UNC13A: variants seen among roughly 807,000 people sequenced by gnomAD.
The protein encoded by UNC13A is protein unc-13 homolog A.
A neutral mutation model predicts 219.7 loss-of-function variants in UNC13A; 61 were observed. That is an observed-to-expected ratio of 0.28 (90% CI 0.23 to 0.34). UNC13A has a LOEUF of 0.34. Ranked by LOEUF, UNC13A falls within the 10% of genes least tolerant of loss-of-function variation. The probability of loss-of-function intolerance (pLI) is 1.00; values close to 1 mark genes in which losing one functional copy is unlikely to be tolerated. For missense variants in UNC13A, 1,476 were observed against 2,270.3 expected (o/e 0.65, Z 7.11); for synonymous variants, 920 against 884.6 (o/e 1.04, Z -0.71).
At chr19:17,682,589 G>C (rs1265570220) in intron 1 of UNC13A, among the ~76,000 whole-genome samples, 1 of 152,180 alleles carries the variant, frequency 6.6e-6, no homozygotes, top group Non-Finnish European at 1.5e-5. Context: ...ACTCTGGAGG[G>C]CATCCCATGA....
At chr19:17,622,425 G>T (rs2076738372) in intron 36 of UNC13A, 1 of 153,216 alleles carries the variant, frequency 6.5e-6, no homozygotes, top group Non-Finnish European at 1.5e-5. Flanking sequence ...TGGCATATGG[G>T]GAGTCATTAA....
At chr19:17,626,165 CCA>C (rs2076781613) in intron 34 of UNC13A, 1 of 153,430 alleles carries the variant, frequency 6.5e-6, no homozygotes, top group Non-Finnish European at 1.4e-5. Flanking sequence ...ATCCATCCAT[CCA>C]TCCATCCATC....
Position 17,609,902 on chromosome 19 carries a change from C to T in UNC13A, c.4811+38G>A, listed in dbSNP as rs773295153. 1.6e-5 allele frequency: 25 copies of T among 1,610,046 alleles called. No individual in the cohort carries two copies. The South Asian group carries it at 2.6e-4, about 17-fold the overall frequency. On this transcript the variant is annotated intron_variant, in intron 43 of 43. Coordinates refer to ENST00000519716, the MANE Select transcript of UNC13A (RefSeq NM_001080421.3). ...GGGGTTCACCTGGCGGATGCCCCCT[C>T]CCTTGCCCCCATGCTCTTCAAAGCA... is the stretch of plus-strand genomic sequence containing the variant.
At chr19:17,631,613 G>A (rs547680957) in intron 28 of UNC13A, among the ~76,000 whole-genome samples, 49 of 152,212 alleles carry the variant, frequency 3.2e-4, no homozygotes, top group African/African-American at 9.4e-4. Context: ...CTCAGGAACC[G>A]GCGGCACCGT....
At chr19:17,685,838 G>A (rs1310553771) in intron 1 of UNC13A, among the ~76,000 whole-genome samples, 2 of 152,034 alleles carry the variant, frequency 1.3e-5, no homozygotes, top group Non-Finnish European at 2.9e-5. Context: ...AGGGGGGACA[G>A]GTATTTCCTC....
At chr19:17,663,289 A>C (rs1382185882) in intron 8 of UNC13A, among the ~76,000 whole-genome samples, 1 of 151,390 alleles carries the variant, frequency 6.6e-6, no homozygotes, top group Non-Finnish European at 1.5e-5. Flanking sequence ...CCTCCAGGCT[A>C]ACCCCCCCCA....
In UNC13A at chr19:17,606,142, C is replaced by T. The variant is rs868352249; in HGVS notation, c.5024G>A (p.Arg1675His). The T allele has an allele frequency of 6.3e-7, 1 of 1,590,384 alleles. No individual in the cohort carries two copies. Among genetic ancestry groups the T allele is most frequent in the East Asian group, 2.3e-5 (1 of 42,892 alleles). Residue 1675 changes from arginine (R) to histidine (H), a missense_variant, in exon 44 of 44, where the codon CGC becomes CAC. Arg to His is a conservative substitution (Grantham distance 29). Around this residue, in one of 14 missense-constraint regions of UNC13A, gnomAD observed 187 missense variants for 172.3 expected, o/e 1.09. Transcript: ENST00000519716. ...CTCCTTGGCCACCTCGTCGTTGCTG[C>T]GCTGCGAGAGGATTCGCAGCACCGT... ...GLTVLRILSQ[R>H]SNDEVAKEFV...
chr19:17,625,968 T>A (rs1263590978), intron 34 of UNC13A, among the ~76,000 whole-genome samples: 3 of 151,028 alleles, frequency 2.0e-5, no homozygotes, highest in Middle Eastern at 3.4e-3. Context: ...CAGACAGACA[T>A]CTATGCATCA....
chr19:17,656,749 G>T (rs2145868645), intron 9 of UNC13A, among the ~76,000 whole-genome samples: 1 of 151,972 alleles, frequency 6.6e-6, no homozygotes. Flanking sequence ...CTACTCGGGA[G>T]GCTGAGGTAG....
intron 26 of UNC13A, among the ~76,000 whole-genome samples, chr19:17,634,051 A>G (rs2076886520): frequency 6.6e-6 from 1 of 151,436 alleles, no homozygotes; most frequent in Non-Finnish European, 1.5e-5. Context: ...CCACTCATCT[A>G]CCTGTTCATC....
In UNC13A at chr19:17,625,708, C is replaced by T. The variant is rs572149671; in HGVS notation, c.4074-756G>A. ...CTCACCTATTAATCCATCCATCCATCGACCCACTCATCCACCCACCCCCCC... is the reference window on the plus strand; with the variant it reads ...CTCACCTATTAATCCATCCATCCATTGACCCACTCATCCACCCACCCCCCC... On this transcript the variant is annotated intron_variant, in intron 34 of 43. Coordinates refer to ENST00000519716, the MANE Select transcript of UNC13A (RefSeq NM_001080421.3). Among the ~76,000 whole-genome samples, 14 of 151,896 alleles carry T rather than the reference C, an allele frequency of 9.2e-5. 1 individual carries two copies. In the South Asian group the frequency reaches 1.7e-3, roughly 18 times the overall value.
Position 17,618,764 on chromosome 19 carries a change from C to G in UNC13A, c.4329+142G>C, listed in dbSNP as rs566075518. ...CACACTGGGGAGCAAATATCTTGTG[C>G]TTCAGTGAGTAGAGTTTCTGTCCTT... On this transcript the variant is annotated intron_variant, in intron 39 of 43. Transcript: ENST00000519716. The G allele has an allele frequency of 1.5e-4, 130 of 840,536 alleles. No individual in the cohort carries two copies. The African/African-American group carries it at 2.1e-3, about 14-fold the overall frequency. 52.1% of individuals were successfully genotyped at this position (840,536 alleles called of 1,614,324 possible).
At position 17,624,898 on chromosome 19, in the gene UNC13A, C is replaced by T. The variant is rs1453964955; in HGVS notation, c.4128G>A (p.Lys1376=). ...TGTTCATAACCAGCTTCCACAGCTC[C>T]TTCAGCACTCGCTTCAGCACAGTCT... ...CEKTVLKRVL[K]ELWKLVMNTM... is the part of the protein sequence containing the mutation. Residue 1376 remains lysine, a synonymous_variant, in exon 35 of 44, where the codon AAG becomes AAA. Coordinates refer to ENST00000519716, the MANE Select transcript of UNC13A (RefSeq NM_001080421.3). 1.5e-5 allele frequency: 25 copies of T among 1,613,802 alleles called. No homozygotes were observed. The East Asian group carries it at 5.6e-4, about 36-fold the overall frequency.
intron 38 of UNC13A, among the ~76,000 whole-genome samples, chr19:17,619,342 G>A (rs536522917): frequency 6.8e-6 from 1 of 147,854 alleles, no homozygotes; most frequent in South Asian, 2.2e-4. Flanking sequence ...GCAGAAAATG[G>A]CTCTGGTCAA....
rs748376721 is a variant in UNC13A at position 17,639,197 on chromosome 19, C to A, written c.2967G>T (p.Pro989=). 6.2e-7 allele frequency: 1 copy of A among 1,613,850 alleles called. No individual in the cohort carries two copies. The highest frequency in any genetic ancestry group is 1.1e-5 in the South Asian group (1 of 91,062). ...CCTTTACCACCTGGCTGGCTCGGGGCGGGCTCTGGAGTTCTTGTACCTGAA... is the reference window on the plus strand; with the variant it reads ...CCTTTACCACCTGGCTGGCTCGGGGAGGGCTCTGGAGTTCTTGTACCTGAA... The part of the protein sequence containing the change: ...FRMKVQELQS[P]PRASQVVKDC... Residue 989 remains proline, a synonymous_variant, in exon 25 of 44, where the codon CCG becomes CCT. Transcript: ENST00000519716.
At chr19:17,625,596 T>C (rs1272572768) in intron 34 of UNC13A, among the ~76,000 whole-genome samples, 2 of 151,978 alleles carry the variant, frequency 1.3e-5, no homozygotes, top group Non-Finnish European at 2.9e-5. Context: ...CATCCACTTA[T>C]CCATTTATCT....
intron 39 of UNC13A, 86 bp downstream of exon 39, chr19:17,618,820 A>T: frequency 7.8e-7 from 1 of 1,287,242 alleles, no homozygotes; most frequent in Non-Finnish European, 1.1e-6. Context: ...TCATCCTGGG[A>T]CCCCTCCCCC....
intron 19 of UNC13A, 93 bp downstream of exon 19, chr19:17,645,581 T>G: frequency 5.2e-6 from 8 of 1,550,440 alleles, no homozygotes; most frequent in Non-Finnish European, 7.0e-6. Context: ...AAACTCCTCC[T>G]GAGAACACAT....
At chr19:17,608,684 G>T (rs1488088899) in intron 43 of UNC13A, among the ~76,000 whole-genome samples, 2 of 150,696 alleles carry the variant, frequency 1.3e-5, no homozygotes, top group East Asian at 3.9e-4. Flanking sequence ...CGCCTGGCTA[G>T]GTTTTGTATT....
Sources: gnomAD v4.1 joint callset for allele counts (sites outside exome capture counted in the v4.1 genomes callset) on GRCh38, gnomAD v4.1.1 for gene constraint, gnomAD v4.1.1 regional missense constraint, MANE v1.5 for transcripts, NCBI Gene and HGNC (gene_info 2026-07-23, HGNC 2026-07-21) for gene names.